Variants in FHIT observed in about 807,000 individuals in gnomAD.
FHIT encodes fragile histidine triad diadenosine triphosphatase, also known as bis(5'-adenosyl)-triphosphatase.
FHIT carries 19 observed loss-of-function variants against 17.9 expected under a neutral mutation model. The observed-to-expected ratio is 1.06, with a 90% CI of 0.74 to 1.56. FHIT has a LOEUF of 1.56. Among genes scored for constraint, FHIT ranks in the 40% most tolerant of loss-of-function variants. The pLI, the probability that FHIT is intolerant of heterozygous loss-of-function variation, is 0.00. For missense variants in FHIT, 248 were observed against 189.2 expected (o/e 1.31, Z -1.82); for synonymous variants, 81 against 69.7 (o/e 1.16, Z -0.81).
rs189795312 is a variant in FHIT at position 60,971,621 on chromosome 3, T to C, written c.-111+70426A>G. Among the ~76,000 whole-genome samples the C allele has an allele frequency of 3.5e-3, 538 of 152,212 alleles. 6 individuals carry two copies. Among genetic ancestry groups the C allele is most frequent in the African/African-American group, 0.013 (521 of 41,556 alleles). ...GATGTTTTTTCCCCCATGGGTATTG[T>C]ATTAAATAAAATGCTTCCTAGCTGT... is the stretch of plus-strand genomic sequence containing the variant. On this transcript the variant is annotated intron_variant, in intron 3 of 9. Transcript: ENST00000492590.
chr3:60,384,836 TAA>T (rs5849358), intron 5 of FHIT, among the ~76,000 whole-genome samples: 7,882 of 135,394 alleles, frequency 0.058, 684 homozygotes, highest in African/African-American at 0.19. Context: ...TTCACATTAG[TAA>T]AAAAAAAAAA....
chr3:60,418,374 GTGTATATATA>G (rs1373227089), intron 5 of FHIT, among the ~76,000 whole-genome samples: 1 of 2,360 alleles, frequency 4.2e-4, no homozygotes, highest in African/African-American at 5.2e-4. Flanking sequence ...ATCTGAATGT[GTGTATATATA>G]TATATATATA....
chr3:60,752,378 G>T (rs147182315), intron 4 of FHIT, among the ~76,000 whole-genome samples: 8 of 152,256 alleles, frequency 5.3e-5, no homozygotes. Flanking sequence ...AGAATCAATT[G>T]TGCATTCGAT....
intron 4 of FHIT, among the ~76,000 whole-genome samples, chr3:60,700,047 CTTG>C (rs1553701712): frequency 2.0e-5 from 3 of 150,288 alleles, no homozygotes; most frequent in Non-Finnish European, 2.9e-5. Context: ...AGGAGAATCG[CTTG>C]AACCCGGGAG....
At chr3:60,816,747 A>G (rs753080337) in intron 4 of FHIT, among the ~76,000 whole-genome samples, 42 of 151,930 alleles carry the variant, frequency 2.8e-4, no homozygotes, top group Non-Finnish European at 5.0e-4. Context: ...GATGCACAGA[A>G]TGAGTTTGGG....
intron 5 of FHIT, among the ~76,000 whole-genome samples, chr3:60,200,248 G>A (rs1702836315): frequency 6.6e-6 from 1 of 152,138 alleles, no homozygotes; most frequent in Non-Finnish European, 1.5e-5. Flanking sequence ...GTTACCAACA[G>A]GACTGGGATA....
At chr3:60,066,067 G>T (rs1702489741) in intron 5 of FHIT, among the ~76,000 whole-genome samples, 1 of 152,080 alleles carries the variant, frequency 6.6e-6, no homozygotes, top group African/African-American at 2.4e-5. Context: ...TCTGTTACAT[G>T]CAGCTGAACT....
chr3:60,112,558 A>T (rs1241458610), intron 5 of FHIT, among the ~76,000 whole-genome samples: 1 of 152,204 alleles, frequency 6.6e-6, no homozygotes, highest in Non-Finnish European at 1.5e-5. Flanking sequence ...CAGCCAAAGG[A>T]GGGCTGAAAT....
At chr3:60,900,722 T>C (rs1455588479) in intron 3 of FHIT, among the ~76,000 whole-genome samples, 1 of 152,202 alleles carries the variant, frequency 6.6e-6, no homozygotes, top group African/African-American at 2.4e-5. Flanking sequence ...ATTTTATTTA[T>C]ACTAAAATCA....
chr3:60,254,407 A>T (rs1221147380), intron 5 of FHIT, among the ~76,000 whole-genome samples: 1 of 152,166 alleles, frequency 6.6e-6, no homozygotes, highest in Non-Finnish European at 1.5e-5. Context: ...GATTTTTCCC[A>T]ATATAAATTA....
intron 5 of FHIT, among the ~76,000 whole-genome samples, chr3:60,095,686 C>A (rs1229241229): frequency 6.6e-6 from 1 of 152,154 alleles, no homozygotes; most frequent in African/African-American, 2.4e-5. Flanking sequence ...AGATAATCGG[C>A]CTCATTGTAA....
chr3:60,384,303 G>C (rs1220345460), intron 5 of FHIT, among the ~76,000 whole-genome samples: 1 of 151,382 alleles, frequency 6.6e-6, no homozygotes, highest in South Asian at 2.1e-4. Flanking sequence ...ATTTTTAATA[G>C]AGACTATTAC....
intron 7 of FHIT, among the ~76,000 whole-genome samples, chr3:59,979,595 T>C (rs374749338): frequency 6.6e-6 from 1 of 151,950 alleles, no homozygotes; most frequent in African/African-American, 2.4e-5. Flanking sequence ...CAGGCAGGGG[T>C]AAGAAATTAT....
intron 4 of FHIT, among the ~76,000 whole-genome samples, chr3:60,778,501 G>A (rs1435362347): frequency 6.6e-6 from 1 of 152,168 alleles, no homozygotes; most frequent in Non-Finnish European, 1.5e-5. Context: ...GGAAGCTGAA[G>A]CAACCTTTTT....
chr3:60,122,348 G>A (rs1705297413), intron 5 of FHIT, among the ~76,000 whole-genome samples: 2 of 152,154 alleles, frequency 1.3e-5, no homozygotes, highest in Admixed American at 6.5e-5. Context: ...AAACAAATTT[G>A]TGTTGAATCC....
intron 7 of FHIT, among the ~76,000 whole-genome samples, chr3:59,931,136 T>C (rs187835984): frequency 6.6e-6 from 1 of 152,214 alleles, no homozygotes; most frequent in African/African-American, 2.4e-5. Context: ...ATTCTGAATA[T>C]TCAGTCAATT....
At chr3:60,678,294 C>T (rs1310137729) in intron 4 of FHIT, among the ~76,000 whole-genome samples, 5 of 152,162 alleles carry the variant, frequency 3.3e-5, no homozygotes, top group Non-Finnish European at 5.9e-5. Flanking sequence ...AAGGACACTT[C>T]TCATAAAAGC....
chr3:60,166,055 G>T (rs1701157175), intron 5 of FHIT, among the ~76,000 whole-genome samples: 1 of 152,002 alleles, frequency 6.6e-6, no homozygotes, highest in Non-Finnish European at 1.5e-5. Context: ...ATCAAGGAAA[G>T]GCTCCTGTAA....
chr3:60,513,375 C>T (rs2107547867), intron 5 of FHIT, among the ~76,000 whole-genome samples: 1 of 152,316 alleles, frequency 6.6e-6, no homozygotes, highest in Admixed American at 6.5e-5. Flanking sequence ...CAATTTCTCA[C>T]TTACAGTAAA....
Sources: gnomAD v4.1 joint callset for allele counts (sites outside exome capture counted in the v4.1 genomes callset) on GRCh38, gnomAD v4.1.1 for gene constraint, MANE v1.5 for transcripts, NCBI Gene and HGNC (gene_info 2026-07-23, HGNC 2026-07-21) for gene names.